XKR6: variants seen among roughly 807,000 people sequenced by gnomAD.
XKR6 encodes XK-related protein 6.
Under a neutral mutation model 56.7 loss-of-function variants are expected in XKR6, and 22 were observed. The observed-to-expected ratio is 0.39, with a 90% CI of 0.28 to 0.55. The LOEUF is 0.55. XKR6 is among the 20% of genes least tolerant of loss of function. The pLI is 0.66. For missense variants in XKR6, 852 were observed against 889.0 expected (o/e 0.96, Z 0.53); for synonymous variants, 524 against 387.8 (o/e 1.35, Z -4.13).
rs142033077 is a variant in XKR6 at position 10,918,974 on chromosome 8, T to A, written c.961+5660A>T. Among the ~76,000 whole-genome samples the A allele has an allele frequency of 1.6e-3, 238 of 152,272 alleles. 1 individual carries two copies. The highest frequency in any genetic ancestry group is 2.4e-3 in the Non-Finnish European group (166 of 67,996). On this transcript the variant is annotated intron_variant, in intron 2 of 2. Transcript: ENST00000416569. ...CTAGCTCAGCCCTTGCTTCCCTCCC[T>A]GTGTGAAAGAAAAGGGACCTTCTTC...
At chr8:11,180,247 G>C (rs1802896256) in intron 1 of XKR6, among the ~76,000 whole-genome samples, 1 of 152,238 alleles carries the variant, frequency 6.6e-6, no homozygotes, top group African/African-American at 2.4e-5. Flanking sequence ...AACAGAACCA[G>C]CTTTCACAGA....
chr8:11,159,735 A>C (rs1801699754), intron 1 of XKR6, among the ~76,000 whole-genome samples: 1 of 152,240 alleles, frequency 6.6e-6, no homozygotes, highest in Admixed American at 6.5e-5. Flanking sequence ...AATAATGGCA[A>C]CTGCGTATCT....
intron 1 of XKR6, among the ~76,000 whole-genome samples, chr8:10,952,308 C>A (rs1351822033): frequency 6.6e-6 from 1 of 152,214 alleles, no homozygotes; most frequent in African/African-American, 2.4e-5. Flanking sequence ...CCACTTACCA[C>A]CCACATCATC....
chr8:11,050,413 G>T (rs1005861734), intron 1 of XKR6, among the ~76,000 whole-genome samples: 1 of 152,084 alleles, frequency 6.6e-6, no homozygotes, highest in Non-Finnish European at 1.5e-5. Flanking sequence ...TGGTCTCGGA[G>T]ATCCCTTCCA....
intron 1 of XKR6, among the ~76,000 whole-genome samples, chr8:11,146,646 C>G (rs965266744): frequency 6.8e-6 from 1 of 146,732 alleles, no homozygotes; most frequent in Non-Finnish European, 1.5e-5. Flanking sequence ...AAAACACTAA[C>G]AAAATGGGCT....
chr8:10,975,486 C>T (rs116988915), intron 1 of XKR6, among the ~76,000 whole-genome samples: 7 of 152,244 alleles, frequency 4.6e-5, no homozygotes, highest in South Asian at 2.1e-4. Flanking sequence ...TTGCCCACTG[C>T]GAGAGTTTCC....
Position 11,189,446 on chromosome 8 carries a change from CTT to C in XKR6, c.764+11128_764+11129del, listed in dbSNP as rs939240847. 7.9e-5 allele frequency among the ~76,000 whole-genome samples: 12 copies of C among 152,208 alleles called. 1 individual carries two copies. The highest frequency in any genetic ancestry group is 2.9e-4 in the African/African-American group (12 of 41,446). On this transcript the variant is annotated intron_variant, in intron 1 of 2. Transcript: ENST00000416569. ...GGCATAATATATGGCAACAGCAACT[CTT>C]TGGTTAATACAGACTTTTTGCCAAG...
chr8:11,024,493 C>G (rs1251615616), intron 1 of XKR6, among the ~76,000 whole-genome samples: 2 of 152,172 alleles, frequency 1.3e-5, no homozygotes, highest in African/African-American at 4.8e-5. Flanking sequence ...ACCTAATAAG[C>G]ATTCAGTCAG....
chr8:11,099,365 T>G (rs539005418), intron 1 of XKR6, among the ~76,000 whole-genome samples: 1 of 152,358 alleles, frequency 6.6e-6, no homozygotes, highest in South Asian at 2.1e-4. Flanking sequence ...AAAACATTTT[T>G]AAAAGATGAT....
At chr8:11,098,648 G>A (rs373727502) in intron 1 of XKR6, among the ~76,000 whole-genome samples, 1 of 152,100 alleles carries the variant, frequency 6.6e-6, no homozygotes, top group Non-Finnish European at 1.5e-5. Flanking sequence ...CTTACAGAAA[G>A]GTTCAAGGTA....
At chr8:11,048,712 TC>T (rs2129158775) in intron 1 of XKR6, among the ~76,000 whole-genome samples, 1 of 152,286 alleles carries the variant, frequency 6.6e-6, no homozygotes, top group East Asian at 1.9e-4. Flanking sequence ...TCCGCAGGCC[TC>T]TGGTCTGCAG....
intron 2 of XKR6, among the ~76,000 whole-genome samples, chr8:10,918,384 A>G (rs1047842197): frequency 3.9e-5 from 6 of 152,230 alleles, no homozygotes; most frequent in Admixed American, 3.9e-4. Context: ...AGGCAGAAAC[A>G]TCGCTTTCTG....
chr8:10,942,072 T>A (rs1801400468), intron 1 of XKR6, among the ~76,000 whole-genome samples: 1 of 152,158 alleles, frequency 6.6e-6, no homozygotes, highest in South Asian at 2.1e-4. Context: ...AAACCATCTT[T>A]ACTCTTATCC....
chr8:10,924,646 C>T lies in XKR6; in HGVS notation c.949G>A (p.Glu317Lys), dbSNP rs761510924. 20 of 1,605,146 alleles carry T rather than the reference C, an allele frequency of 1.2e-5. No individual in the cohort carries two copies. Among genetic ancestry groups the T allele is most frequent in the Admixed American group, 5.0e-5 (3 of 59,788 alleles). The change falls in exon 2 of 3, where the codon GAG (glutamate) becomes AAG (lysine). Residue 317 changes from glutamate (E) to lysine (K), a missense_variant. Physicochemically the swap from Glu to Lys is moderately conservative, Grantham distance 56. Coordinates refer to ENST00000416569, the MANE Select transcript of XKR6 (RefSeq NM_173683.4). Reference protein sequence around the residue: ...LYIMLQKNSAETLPCVSSVTS... With the variant: ...LYIMLQKNSAKTLPCVSSVTS... Reference sequence around the variant, plus strand: ...GGCGGGCACTCACAGGGCAGGGTCTCGGCGCTGTTCTTCTGGAGCATGATG... The same window carrying T: ...GGCGGGCACTCACAGGGCAGGGTCTTGGCGCTGTTCTTCTGGAGCATGATG...
intron 1 of XKR6, among the ~76,000 whole-genome samples, chr8:11,168,065 C>T (rs1313952605): frequency 6.6e-6 from 1 of 151,954 alleles, no homozygotes; most frequent in Non-Finnish European, 1.5e-5. Flanking sequence ...ACAAAAAAAG[C>T]AAACCTCGGT....
chr8:10,934,732 C>T (rs1382889622), intron 1 of XKR6, among the ~76,000 whole-genome samples: 3 of 140,672 alleles, frequency 2.1e-5, no homozygotes, highest in African/African-American at 8.0e-5. Flanking sequence ...ACCAGCCTTG[C>T]ATCCCAGGGA....
intron 1 of XKR6, among the ~76,000 whole-genome samples, chr8:11,167,612 A>G (rs2117034160): frequency 6.6e-6 from 1 of 152,308 alleles, no homozygotes; most frequent in East Asian, 1.9e-4. Context: ...GCATCCATAT[A>G]TATGGGTGAA....
At chr8:10,932,529 C>A (rs1801084631) in intron 1 of XKR6, among the ~76,000 whole-genome samples, 2 of 141,586 alleles carry the variant, frequency 1.4e-5, no homozygotes, top group South Asian at 2.3e-4. Flanking sequence ...CACCCACTAA[C>A]TCGTCATCTA....
intron 1 of XKR6, among the ~76,000 whole-genome samples, chr8:11,134,547 T>C (rs1586594880): frequency 6.6e-6 from 1 of 152,158 alleles, no homozygotes; most frequent in Admixed American, 6.5e-5. Flanking sequence ...ATGTGTGGCA[T>C]TTGTTAAGAT....
Sources: gnomAD v4.1 joint callset for allele counts (sites outside exome capture counted in the v4.1 genomes callset) on GRCh38, gnomAD v4.1.1 for gene constraint, MANE v1.5 for transcripts, NCBI Gene and HGNC (gene_info 2026-07-23, HGNC 2026-07-21) for gene names.